Variants in SLC10A1 observed in about 807,000 individuals in gnomAD.
SLC10A1 encodes the protein hepatic sodium/bile acid cotransporter.
Under a neutral mutation model 20.5 loss-of-function variants are expected in SLC10A1, and 36 were observed. The observed-to-expected ratio is 1.75, with a 90% confidence interval of 1.34 to 2.32. The LOEUF is 2.32. Among genes scored for constraint, SLC10A1 ranks in the 30% most tolerant of loss-of-function variants. The pLI, the probability that SLC10A1 is intolerant of heterozygous loss-of-function variation, is 0.00. For synonymous variants in SLC10A1, 188 were observed against 163.6 expected, an observed-to-expected ratio of 1.15 and a Z score of -1.14; for missense variants, 545 against 439.1, an observed-to-expected ratio of 1.24 and a Z score of -2.16.
At chr14:69,792,028 T>C (rs1882284565) in intron 1 of SLC10A1, among the ~76,000 whole-genome samples, 1 of 151,924 alleles carries the variant, frequency 6.6e-6, no homozygotes, top group Non-Finnish European at 1.5e-5. Context: ...TTTGGCTCAC[T>C]GCAACCTCTG....
At position 69,778,490 on chromosome 14, in the gene SLC10A1, A is replaced by G. The variant is rs986367945; in HGVS notation, c.786T>C (p.Asn262=). The change falls in exon 4 of 5, where the codon AAT becomes AAC. Residue 262 remains asparagine (N), a synonymous_variant. Transcript: ENST00000216540. ...RTVSMETGCQ[N]VQLCSTILNV... is the part of the protein sequence containing the mutation. ...TGAGGATGGTGGAACAGAGTTGGAC[A>G]TTTTGGCATCCAGTCTCCATGCTGA... 8 of 1,611,878 alleles carry G rather than the reference A, an allele frequency of 5.0e-6. No individual in the cohort carries two copies. Among genetic ancestry groups the G allele is most frequent in the Admixed American group, 1.7e-5 (1 of 59,650 alleles).
chr14:69,777,154 C>A (rs892851618), intron 4 of SLC10A1, among the ~76,000 whole-genome samples: 3 of 152,176 alleles, frequency 2.0e-5, no homozygotes, highest in Non-Finnish European at 2.9e-5. Context: ...CTAGAAACTT[C>A]TGTGCACTTT....
chr14:69,779,422 G>A, intron 2 of SLC10A1, 62 bp from the exon 3 acceptor site: 1 of 1,355,468 alleles, frequency 7.4e-7, no homozygotes, highest in South Asian at 1.5e-5. Flanking sequence ...ACAGAGGTGG[G>A]GAAGCACAGG....
At chr14:69,787,009 A>G (rs906310625) in intron 1 of SLC10A1, among the ~76,000 whole-genome samples, 1 of 152,236 alleles carries the variant, frequency 6.6e-6, no homozygotes, top group Non-Finnish European at 1.5e-5. Flanking sequence ...AGTAAGAAAC[A>G]GAATAATTGA....
chr14:69,783,143 TTC>T (rs768659932), intron 2 of SLC10A1, among the ~76,000 whole-genome samples: 86 of 152,330 alleles, frequency 5.6e-4, no homozygotes, highest in South Asian at 3.5e-3. Flanking sequence ...ACAAACATGT[TTC>T]TCTGTGTATG....
chr14:69,776,418 G>A (rs764770919), intron 4 of SLC10A1, 30 bp from the exon 5 acceptor site: 31 of 1,546,248 alleles, frequency 2.0e-5, no homozygotes, highest in Non-Finnish European at 2.6e-5. Context: ...TACAGGTGTA[G>A]AGAGAGAACA....
intron 4 of SLC10A1, among the ~76,000 whole-genome samples, chr14:69,777,464 C>G (rs1883471629): frequency 1.3e-5 from 2 of 150,958 alleles, no homozygotes; most frequent in South Asian, 4.2e-4. Flanking sequence ...TTGAAGGGGA[C>G]TTCAATTCAT....
In SLC10A1 at chr14:69,778,351, T is replaced by C. The variant is rs200070799; in HGVS notation, c.925A>G (p.Lys309Glu). The change falls in exon 4 of 5, where the codon AAA (lysine) becomes GAA (glutamate). Residue 309 changes from lysine to glutamate, a missense_variant. Coordinates refer to ENST00000216540, the MANE Select transcript of SLC10A1 (RefSeq NM_003049.4). ...TACTCACCCTTGGGAGTCTTGAATT[T>C]CTCATAGCACCAAAATATGGCAATG... ...LLIAIFWCYE[K>E]FKTPKDKTKM... 68 of 1,608,042 alleles carry C rather than the reference T, an allele frequency of 4.2e-5. No homozygotes were observed. Among genetic ancestry groups the C allele is most frequent in the Non-Finnish European group, 5.8e-5 (68 of 1,177,310 alleles).
At chr14:69,781,828 G>A (rs1179430007) in intron 2 of SLC10A1, among the ~76,000 whole-genome samples, 1 of 152,202 alleles carries the variant, frequency 6.6e-6, no homozygotes, top group Non-Finnish European at 1.5e-5. Context: ...GCCTGAAATT[G>A]TATCTTGGTA....
chr14:69,789,928 T>TTTC (rs1555352935), intron 1 of SLC10A1, among the ~76,000 whole-genome samples: 4 of 145,872 alleles, frequency 2.7e-5, no homozygotes, highest in African/African-American at 1.0e-4. Flanking sequence ...TTTTTTTTTC[T>TTTC]TTTTTTTTTT....
At chr14:69,786,384 G>T in intron 1 of SLC10A1, 77 bp from the exon 2 acceptor site, 1 of 1,181,132 alleles carries the variant, frequency 8.5e-7, no homozygotes, top group East Asian at 2.4e-5. Flanking sequence ...CCTGCTAAGT[G>T]CCACTGTGCT....
intron 4 of SLC10A1, among the ~76,000 whole-genome samples, chr14:69,777,692 CTG>C (rs1382735304): frequency 1.4e-5 from 2 of 142,104 alleles, no homozygotes; most frequent in Non-Finnish European, 3.0e-5. Context: ...AGGTAATACT[CTG>C]AGCATTTTAG....
Position 69,796,951 on chromosome 14 carries a change from A to C in SLC10A1, c.205T>G (p.Tyr69Asp). ...KGLAIALVAQYGIMPLTAFVL... is the reference protein window; with the variant it reads ...KGLAIALVAQDGIMPLTAFVL... ...AAGGCCGTGAGGGGCATGATGCCATACTGTGCCACCAGGGCGATGGCCAGC... is the reference window on the plus strand; with the variant it reads ...AAGGCCGTGAGGGGCATGATGCCATCCTGTGCCACCAGGGCGATGGCCAGC... The change falls in exon 1 of 5, where the codon TAT becomes GAT. Residue 69 changes from tyrosine to aspartate, a missense_variant. Tyr to Asp is a radical substitution (Grantham distance 160). Coordinates refer to ENST00000216540, the MANE Select transcript of SLC10A1 (RefSeq NM_003049.4). 6.2e-7 allele frequency: 1 copy of C among 1,614,196 alleles called. No individual in the cohort carries two copies. The highest frequency in any genetic ancestry group is 8.5e-7 in the Non-Finnish European group (1 of 1,180,010).
At chr14:69,789,099 CTCATA>C (rs1392281439) in intron 1 of SLC10A1, among the ~76,000 whole-genome samples, 2 of 152,146 alleles carry the variant, frequency 1.3e-5, no homozygotes, top group Non-Finnish European at 2.9e-5. Flanking sequence ...ATTAGGAATC[CTCATA>C]CACTGGTGGT....
chr14:69,788,567 T>G (rs1401774695), intron 1 of SLC10A1, among the ~76,000 whole-genome samples: 7 of 150,888 alleles, frequency 4.6e-5, no homozygotes, highest in Admixed American at 4.6e-4. Context: ...TTTTTTGAGA[T>G]GGAGTCTTGC....
rs772571564 is a variant in SLC10A1, at chr14:69,786,172, G to A, written c.492C>T (p.Val164=). 1.5e-5 allele frequency: 24 copies of A among 1,614,076 alleles called. No homozygotes were observed. The South Asian group carries it at 2.1e-4, about 14-fold the overall frequency. The change falls in exon 2 of 5, where the codon GTC becomes GTT. Residue 164 remains valine (V), a synonymous_variant. Coordinates refer to ENST00000216540, the MANE Select transcript of SLC10A1 (RefSeq NM_003049.4). ...CTATGGTGCAAGGAATGAGAACCAG[G>A]ACCAGTGATATCACGATGCCTTTAT... ...VPYKGIVISL[V]LVLIPCTIGI... is the part of the protein sequence containing the mutation.
At chr14:69,789,346 A>G (rs1240172420) in intron 1 of SLC10A1, among the ~76,000 whole-genome samples, 4 of 152,280 alleles carry the variant, frequency 2.6e-5, no homozygotes, top group Admixed American at 6.5e-5. Context: ...AAAATGTATT[A>G]TATCCATACA....
In SLC10A1 at chr14:69,778,450, G is replaced by A. The variant is rs199623470; in HGVS notation, c.826C>T (p.Pro276Ser). 2.5e-5 allele frequency: 41 copies of A among 1,613,928 alleles called. No homozygotes were observed. The highest frequency in any genetic ancestry group is 3.4e-5 in the Non-Finnish European group (40 of 1,179,988). Residue 276 changes from proline to serine, a missense_variant, in exon 4 of 5, where the codon CCT (proline) becomes TCT (serine). Physicochemically the swap from Pro to Ser is moderately conservative, Grantham distance 74. Transcript: ENST00000216540. Reference sequence around the variant, plus strand: ...AAGAAAAGTGGTCCAATGACTTCAGGTGGAAAGGCCACATTGAGGATGGTG... The same window carrying A: ...AAGAAAAGTGGTCCAATGACTTCAGATGGAAAGGCCACATTGAGGATGGTG... ...CSTILNVAFP[P>S]EVIGPLFFFP...
intron 3 of SLC10A1, 83 bp from the exon 4 acceptor site, chr14:69,778,612 T>C: frequency 8.3e-7 from 1 of 1,211,862 alleles, no homozygotes; most frequent in South Asian, 1.6e-5. Flanking sequence ...CCAAAGAGTT[T>C]CGCAGCAGAT....
Sources: allele counts gnomAD v4.1 joint callset (sites outside exome capture counted in the v4.1 genomes callset), GRCh38; gene constraint gnomAD v4.1.1; transcripts MANE v1.5; gene names NCBI Gene and HGNC (gene_info 2026-07-23, HGNC 2026-07-21).